The following ASTN2 variants were observed in gnomAD, a reference collection of about 807,000 sequenced individuals.
ASTN2 encodes astrotactin 2.
Under a neutral mutation model 139.8 loss-of-function variants are expected in ASTN2, and 54 were observed. The ratio of observed to expected loss-of-function variants is 0.39; its 90% CI spans 0.31 to 0.48. ASTN2 has a LOEUF of 0.48. ASTN2 is among the 20% of genes least tolerant of loss of function. The pLI, the probability that ASTN2 is intolerant of heterozygous loss-of-function variation, is 0.95. For synonymous variants in ASTN2, 756 were observed against 719.5 expected (o/e 1.05, Z -0.81); for missense variants, 1,565 against 1,725.1 (o/e 0.91, Z 1.64).
chr9:117,191,420 T>C (rs996671221), intron 3 of ASTN2, among the ~76,000 whole-genome samples: 1 of 152,208 alleles, frequency 6.6e-6, no homozygotes, highest in Non-Finnish European at 1.5e-5. Context: ...AAAGTTACTG[T>C]GGCTATTCAA....
chr9:116,682,952 AC>A (rs1859977567), intron 16 of ASTN2, among the ~76,000 whole-genome samples: 1 of 151,980 alleles, frequency 6.6e-6, no homozygotes, highest in Admixed American at 6.6e-5. Flanking sequence ...GGTGCAGCAC[AC>A]CAGCATGGCA....
intron 13 of ASTN2, among the ~76,000 whole-genome samples, chr9:116,770,626 T>C (rs1254948942): frequency 6.6e-6 from 1 of 152,142 alleles, no homozygotes; most frequent in African/African-American, 2.4e-5. Flanking sequence ...AGCATTTGCT[T>C]CTCCAAGATA....
At chr9:116,845,187 T>C (rs1036405470) in intron 11 of ASTN2, among the ~76,000 whole-genome samples, 4 of 152,190 alleles carry the variant, frequency 2.6e-5, no homozygotes, top group African/African-American at 9.7e-5. Context: ...CGATCTCGGC[T>C]CAATGCAAGC....
intron 1 of ASTN2, among the ~76,000 whole-genome samples, chr9:117,366,972 A>T (rs1281365023): frequency 6.6e-6 from 1 of 151,936 alleles, no homozygotes; most frequent in African/African-American, 2.4e-5. Context: ...ACAGGGTTTC[A>T]CCATGTTGGT....
chr9:117,177,279 A>T (rs915338267), intron 3 of ASTN2, among the ~76,000 whole-genome samples: 1 of 152,210 alleles, frequency 6.6e-6, no homozygotes. Context: ...ACTTACAGCT[A>T]GCCTTGTTTT....
intron 13 of ASTN2, among the ~76,000 whole-genome samples, chr9:116,748,801 A>G (rs1238336897): frequency 2.6e-5 from 4 of 152,118 alleles, no homozygotes; most frequent in Non-Finnish European, 5.9e-5. Context: ...AGCTGTGCCA[A>G]TAACTTGCTG....
chr9:117,251,829 G>T (rs1833546610), intron 2 of ASTN2, among the ~76,000 whole-genome samples: 1 of 152,158 alleles, frequency 6.6e-6, no homozygotes, highest in Non-Finnish European at 1.5e-5. Flanking sequence ...GTCTACACTA[G>T]GTAGTCATAA....
intron 20 of ASTN2, among the ~76,000 whole-genome samples, chr9:116,472,794 G>C (rs768914855): frequency 6.6e-6 from 1 of 151,826 alleles, no homozygotes; most frequent in African/African-American, 2.4e-5. Context: ...GCGGCGGAGG[G>C]GGCACACCTG....
At chr9:117,078,328 C>A (rs921851652) in intron 5 of ASTN2, among the ~76,000 whole-genome samples, 1 of 152,172 alleles carries the variant, frequency 6.6e-6, no homozygotes, top group Non-Finnish European at 1.5e-5. Context: ...CAGTTTTCCA[C>A]CATTATTTCG....
intron 14 of ASTN2, among the ~76,000 whole-genome samples, chr9:116,730,547 T>A (rs1828749333): frequency 6.6e-6 from 1 of 152,132 alleles, no homozygotes; most frequent in Non-Finnish European, 1.5e-5. Flanking sequence ...AAAAGGAGAT[T>A]GTGTGGAGGG....
intron 16 of ASTN2, among the ~76,000 whole-genome samples, chr9:116,655,354 T>G (rs976788568): frequency 1.3e-5 from 2 of 152,252 alleles, no homozygotes; most frequent in Non-Finnish European, 2.9e-5. Context: ...CTTCTCCTGC[T>G]TAAAACACTT....
chr9:116,992,320 C>G (rs1450122315), intron 7 of ASTN2, among the ~76,000 whole-genome samples: 1 of 152,170 alleles, frequency 6.6e-6, no homozygotes, highest in Non-Finnish European at 1.5e-5. Context: ...GGGCTCCTCC[C>G]ACCCCTGGAG....
Position 116,620,460 on chromosome 9 carries a change from G to T in ASTN2, c.3073-17C>A. 6.2e-7 allele frequency: 1 copy of T among 1,613,802 alleles called. No individual in the cohort carries two copies. The highest frequency in any genetic ancestry group is 8.5e-7 in the Non-Finnish European group (1 of 1,179,984). On this transcript the variant is annotated splice_polypyrimidine_tract_variant and intron_variant, in intron 17 of 22. Coordinates refer to ENST00000313400, the MANE Select transcript of ASTN2 (RefSeq NM_001365068.1). ...CTTGAAGGCCTGGACAAAAAAAGAG[G>T]ACAGAATAGACAATGATGACAACAG...
At chr9:117,254,523 G>A (rs1270462874) in intron 2 of ASTN2, among the ~76,000 whole-genome samples, 3 of 152,122 alleles carry the variant, frequency 2.0e-5, no homozygotes, top group Non-Finnish European at 4.4e-5. Flanking sequence ...AATGGGGATC[G>A]TTTATGGTTT....
chr9:116,436,913 C>T, intron 22 of ASTN2, among the ~76,000 whole-genome samples: 1 of 151,846 alleles, frequency 6.6e-6, no homozygotes, highest in Non-Finnish European at 1.5e-5. Context: ...TTTGTAGGGA[C>T]ATGGATGAAA....
At chr9:116,697,693 G>A (rs777921394) in intron 16 of ASTN2, 11 of 1,610,678 alleles carry the variant, frequency 6.8e-6, no homozygotes, top group Non-Finnish European at 9.3e-6. Context: ...CATGAATACT[G>A]TGCTGTTCAG....
At chr9:116,899,820 C>A (rs948850343) in intron 10 of ASTN2, among the ~76,000 whole-genome samples, 2 of 152,130 alleles carry the variant, frequency 1.3e-5, no homozygotes, top group African/African-American at 2.4e-5. Flanking sequence ...ACTGCTCCTG[C>A]ATATAACACT....
rs1048077790 is a variant in ASTN2 at position 116,768,972 on chromosome 9, C to G, written c.2397-35449G>C. ...GGGACTCAACTGTGAGGTGTATTTG[C>G]CCATCAAATGAAATTATTATGACCA... is the stretch of plus-strand genomic sequence containing the variant. On this transcript the variant is annotated intron_variant, in intron 13 of 22. Coordinates refer to ENST00000313400, the MANE Select transcript of ASTN2 (RefSeq NM_001365068.1). Among the ~76,000 whole-genome samples the G allele has an allele frequency of 5.3e-5, 8 of 152,074 alleles. No homozygotes were observed. In the South Asian group the frequency reaches 8.3e-4, roughly 16 times the overall value.
chr9:117,342,956 T>G (rs1829106013), intron 1 of ASTN2, among the ~76,000 whole-genome samples: 1 of 152,166 alleles, frequency 6.6e-6, no homozygotes, highest in African/African-American at 2.4e-5. Context: ...CATGGGAATT[T>G]CAGGAGCTTG....
Sources: gnomAD v4.1 joint callset for allele counts (sites outside exome capture counted in the v4.1 genomes callset) on GRCh38, gnomAD v4.1.1 for gene constraint, MANE v1.5 for transcripts, NCBI Gene and HGNC (gene_info 2026-07-23, HGNC 2026-07-21) for gene names.